The following ARMC9 variants were observed in gnomAD, a reference collection of about 807,000 sequenced individuals.
ARMC9 encodes lisH domain-containing protein ARMC9.
A neutral mutation model predicts 107.0 loss-of-function variants in ARMC9; 94 were observed. That is an observed-to-expected ratio of 0.88 (90% confidence interval 0.74 to 1.04). The LOEUF (loss-of-function observed/expected upper bound fraction) is 1.04. ARMC9 is among the 50% of genes least tolerant of loss of function. ARMC9 has a pLI of 0.00. For synonymous variants in ARMC9, 380 were observed against 396.9 expected (o/e 0.96, Z 0.51); for missense variants, 942 against 1,030.1 (o/e 0.91, Z 1.17).
At chr2:231,313,176 T>A (rs548853099) in intron 19 of ARMC9, among the ~76,000 whole-genome samples, 1 of 152,356 alleles carries the variant, frequency 6.6e-6, no homozygotes, top group East Asian at 1.9e-4. Context: ...AGCATATATG[T>A]TTGTAATTCT....
intron 17 of ARMC9, among the ~76,000 whole-genome samples, chr2:231,289,223 T>A (rs2040820293): frequency 6.6e-6 from 1 of 152,176 alleles, no homozygotes; most frequent in Non-Finnish European, 1.5e-5. Flanking sequence ...TCCCACCACT[T>A]TGGGAGGCTG....
At chr2:231,368,836 G>A (rs2045910610) in intron 23 of ARMC9, among the ~76,000 whole-genome samples, 2 of 152,070 alleles carry the variant, frequency 1.3e-5, no homozygotes, top group African/African-American at 4.8e-5. Context: ...TGCCGGCCAG[G>A]CTGGTCGCGA....
chr2:231,302,443 T>G (rs1449084526), intron 19 of ARMC9, among the ~76,000 whole-genome samples: 11 of 142,268 alleles, frequency 7.7e-5, no homozygotes, highest in African/African-American at 2.8e-4. Flanking sequence ...GTTTGTTTTT[T>G]TTTTTTTTTT....
chr2:231,296,255 T>G lies in ARMC9; in HGVS notation c.1773+2T>G. ...GATGATGAAGATGAAGATGATGAAG[T>G]AAGTTGGAGGTTCTTGACACCACAT... On this transcript the variant is annotated splice_donor_variant, in intron 19 of 24. Coordinates refer to ENST00000611582, the MANE Select transcript of ARMC9 (RefSeq NM_001352754.2). LOFTEE classifies it high-confidence loss of function. 6.2e-7 allele frequency: 1 copy of G among 1,612,920 alleles called. No homozygotes were observed. The highest frequency in any genetic ancestry group is 1.3e-5 in the African/African-American group (1 of 75,034).
At chr2:231,310,671 G>A (rs1394851814) in intron 19 of ARMC9, among the ~76,000 whole-genome samples, 5 of 149,356 alleles carry the variant, frequency 3.3e-5, no homozygotes, top group Admixed American at 6.7e-5. Context: ...AGGGGGGAAC[G>A]GAGGTTGCAG....
At chr2:231,329,866 C>T (rs1170714218) in intron 19 of ARMC9, among the ~76,000 whole-genome samples, 1 of 152,136 alleles carries the variant, frequency 6.6e-6, no homozygotes, top group Non-Finnish European at 1.5e-5. Context: ...CTTATTTCTA[C>T]ATAGACAGTC....
At chr2:231,257,134 A>C (rs1559361084) in intron 10 of ARMC9, among the ~76,000 whole-genome samples, 1 of 152,182 alleles carries the variant, frequency 6.6e-6, no homozygotes, top group Non-Finnish European at 1.5e-5. Flanking sequence ...TGTTAATTCT[A>C]TTCTTTTGGT....
intron 17 of ARMC9, among the ~76,000 whole-genome samples, chr2:231,286,552 T>C (rs550741146): frequency 6.6e-6 from 1 of 152,348 alleles, no homozygotes; most frequent in African/African-American, 2.4e-5. Context: ...AAGAGCTCTA[T>C]GCATGACAAT....
chr2:231,279,057 G>A (rs1574923409), intron 16 of ARMC9, among the ~76,000 whole-genome samples: 1 of 152,118 alleles, frequency 6.6e-6, no homozygotes, highest in Non-Finnish European at 1.5e-5. Flanking sequence ...CAGTGGGCAT[G>A]GCTGCACCTG....
intron 17 of ARMC9, among the ~76,000 whole-genome samples, chr2:231,288,094 A>G (rs1276848597): frequency 4.6e-5 from 7 of 152,184 alleles, no homozygotes; most frequent in Admixed American, 3.3e-4. Context: ...AACTCATAGG[A>G]TTGAAAGCAT....
chr2:231,233,216 A>C (rs2035404220), intron 7 of ARMC9, among the ~76,000 whole-genome samples: 1 of 152,218 alleles, frequency 6.6e-6, no homozygotes. Context: ...ATCAAACATG[A>C]AGGTTTTTGA....
At chr2:231,279,511 CTTTTTTTT>C (rs57779512) in intron 16 of ARMC9, among the ~76,000 whole-genome samples, 6 of 124,808 alleles carry the variant, frequency 4.8e-5, no homozygotes, top group Non-Finnish European at 6.6e-5. Flanking sequence ...TTTCTTTTTT[CTTTTTTTT>C]TTTTTTTTTG....
chr2:231,230,490 C>G (rs1208212399), intron 7 of ARMC9, among the ~76,000 whole-genome samples: 1 of 152,190 alleles, frequency 6.6e-6, no homozygotes, highest in Non-Finnish European at 1.5e-5. Flanking sequence ...TGTGTTTGAG[C>G]TATCACCCAC....
At chr2:231,332,819 A>C (rs937016335) in intron 20 of ARMC9, among the ~76,000 whole-genome samples, 8 of 152,164 alleles carry the variant, frequency 5.3e-5, no homozygotes, top group Non-Finnish European at 8.8e-5. Context: ...CATAGGGTAG[A>C]AGAGTCACTA....
chr2:231,275,718 T>C (rs557645518), intron 14 of ARMC9, among the ~76,000 whole-genome samples: 6 of 152,258 alleles, frequency 3.9e-5, no homozygotes, highest in Non-Finnish European at 8.8e-5. Flanking sequence ...CTTTGGAAGG[T>C]TGAGGCAGGC....
intron 1 of ARMC9, among the ~76,000 whole-genome samples, chr2:231,202,623 GT>G (rs747099405): frequency 7.0e-4 from 106 of 151,792 alleles, no homozygotes; most frequent in Non-Finnish European, 1.1e-3. Context: ...CACCCAGCCT[GT>G]TTCACTTCTA....
chr2:231,230,327 CT>C (rs2035092225), intron 7 of ARMC9, among the ~76,000 whole-genome samples: 1 of 151,650 alleles, frequency 6.6e-6, no homozygotes, highest in Non-Finnish European at 1.5e-5. Flanking sequence ...CTGCACTAGT[CT>C]AGGTGGCAAA....
intron 17 of ARMC9, among the ~76,000 whole-genome samples, chr2:231,288,046 G>A (rs915307877): frequency 2.6e-5 from 4 of 152,096 alleles, no homozygotes; most frequent in Non-Finnish European, 5.9e-5. Flanking sequence ...CAGTGTGATC[G>A]TTTTTCCATC....
At chr2:231,271,346 A>G (rs1337977121) in intron 13 of ARMC9, among the ~76,000 whole-genome samples, 1 of 152,184 alleles carries the variant, frequency 6.6e-6, no homozygotes, top group Non-Finnish European at 1.5e-5. Context: ...AACATTTTAT[A>G]TTGCTTTCAA....
Sources: allele counts gnomAD v4.1 joint callset (sites outside exome capture counted in the v4.1 genomes callset), GRCh38; gene constraint gnomAD v4.1.1; transcripts MANE v1.5; gene names NCBI Gene and HGNC (gene_info 2026-07-23, HGNC 2026-07-21).